The following LRRTM4 variants were observed in gnomAD, a reference collection of about 807,000 sequenced individuals.
The protein encoded by LRRTM4 is leucine rich repeat transmembrane neuronal 4.
A neutral mutation model predicts 47.6 loss-of-function variants in LRRTM4; 25 were observed. The ratio of observed to expected loss-of-function variants is 0.53; its 90% CI spans 0.38 to 0.73. The LOEUF (loss-of-function observed/expected upper bound fraction) is 0.73, where lower values mean the gene tolerates loss of function less well. Ranked by LOEUF, LRRTM4 falls within the 30% of genes least tolerant of loss-of-function variation. The pLI, the probability that LRRTM4 is intolerant of heterozygous loss-of-function variation, is 0.00. For missense variants in LRRTM4, 638 were observed against 713.4 expected, an observed-to-expected ratio of 0.89 and a Z score of 1.20; for synonymous variants, 311 against 269.5, an observed-to-expected ratio of 1.15 and a Z score of -1.51.
chr2:77,494,479 A>G (rs894675828), intron 3 of LRRTM4, among the ~76,000 whole-genome samples: 1 of 151,948 alleles, frequency 6.6e-6, no homozygotes, highest in African/African-American at 2.4e-5. Context: ...TCTCCTAGGC[A>G]TTCCAGAGGC....
chr2:76,975,772 C>G (rs1447844725), intron 3 of LRRTM4, among the ~76,000 whole-genome samples: 1 of 151,764 alleles, frequency 6.6e-6, no homozygotes, highest in African/African-American at 2.4e-5. Context: ...GACACCACAT[C>G]TGGCCACATT....
intron 3 of LRRTM4, among the ~76,000 whole-genome samples, chr2:77,206,077 A>G (rs1366707865): frequency 4.0e-5 from 6 of 151,898 alleles, no homozygotes; most frequent in Admixed American, 3.9e-4. Context: ...CCTGGGCTCA[A>G]GCGACCCCAA....
rs776265725 is a variant in LRRTM4 at position 77,483,118 on chromosome 2, CAAAAAAAAAAAAAAAAAAA to C, written c.1551+35181_1551+35199del. Reference sequence around the variant, plus strand: ...CCTAGGAGGCAGAGCAAGACTGTCTCAAAAAAAAAAAAAAAAAAAAAAAAAAAAAAAAAAAATTCCACCG... The same window carrying C: ...CCTAGGAGGCAGAGCAAGACTGTCTCAAAAAAAAAAAAAAAAATTCCACCG... On this transcript the variant is annotated intron_variant, in intron 3 of 3. Transcript: ENST00000409884. 8.5e-3 allele frequency among the ~76,000 whole-genome samples: 515 copies of C among 60,600 alleles called. 6 individuals carry two copies. Among genetic ancestry groups the C allele is most frequent in the African/African-American group, 0.031 (466 of 15,206 alleles). The allele number at this position is 60,600 out of a possible 152,430, so 39.8% of individuals were successfully genotyped here.
intron 3 of LRRTM4, among the ~76,000 whole-genome samples, chr2:77,199,772 G>T (rs1006866688): frequency 5.3e-5 from 8 of 152,086 alleles, no homozygotes; most frequent in East Asian, 1.9e-4. Context: ...TAAAAAGAAG[G>T]CTTCTTCATT....
intron 3 of LRRTM4, among the ~76,000 whole-genome samples, chr2:76,755,486 C>T (rs1278052191): frequency 3.3e-5 from 5 of 151,940 alleles, no homozygotes; most frequent in African/African-American, 1.2e-4. Context: ...TTTTCATCAC[C>T]AAACCAAAAC....
intron 3 of LRRTM4, among the ~76,000 whole-genome samples, chr2:77,019,470 T>C (rs76370247): frequency 7.2e-5 from 11 of 152,170 alleles, no homozygotes; most frequent in Non-Finnish European, 1.6e-4. Context: ...AAACCTTTTC[T>C]AAGCCTCAGT....
chr2:77,270,674 A>G lies in LRRTM4; in HGVS notation c.1551+247644T>C, dbSNP rs529063105. On this transcript the variant is annotated intron_variant, in intron 3 of 3. Coordinates refer to ENST00000409884, the MANE Select transcript of LRRTM4 (RefSeq NM_001134745.3). Reference sequence around the variant, plus strand: ...TCTTATGATAGTGACGAGGCAGCCAAATGACTAGGCAGATAGGGGCATGTC... The same window carrying G: ...TCTTATGATAGTGACGAGGCAGCCAGATGACTAGGCAGATAGGGGCATGTC... Among the ~76,000 whole-genome samples, 17 of 152,252 alleles carry G rather than the reference A, an allele frequency of 1.1e-4. 1 individual carries two copies. In the South Asian group the frequency reaches 2.5e-3, roughly 22 times the overall value.
chr2:76,771,319 G>A (rs1673693792), intron 3 of LRRTM4, among the ~76,000 whole-genome samples: 1 of 152,172 alleles, frequency 6.6e-6, no homozygotes, highest in Admixed American at 6.5e-5. Context: ...GAGGGTTTCG[G>A]TGAGATTTAA....
intron 3 of LRRTM4, among the ~76,000 whole-genome samples, chr2:76,845,828 G>T (rs1671821844): frequency 6.6e-6 from 1 of 152,048 alleles, no homozygotes; most frequent in South Asian, 2.1e-4. Flanking sequence ...CACAACTCTG[G>T]TTCAATGCCC....
intron 3 of LRRTM4, among the ~76,000 whole-genome samples, chr2:77,344,469 A>C (rs1441724974): frequency 1.3e-5 from 2 of 151,920 alleles, no homozygotes; most frequent in Non-Finnish European, 2.9e-5. Flanking sequence ...AATGAAACTG[A>C]AGATATGTAA....
intron 3 of LRRTM4, among the ~76,000 whole-genome samples, chr2:76,861,293 A>G (rs1672304598): frequency 6.6e-6 from 1 of 152,184 alleles, no homozygotes; most frequent in Non-Finnish European, 1.5e-5. Flanking sequence ...AAACACATGA[A>G]ATATCAGGCT....
chr2:77,400,357 C>T (rs1673901938), intron 3 of LRRTM4, among the ~76,000 whole-genome samples: 1 of 151,828 alleles, frequency 6.6e-6, no homozygotes, highest in African/African-American at 2.4e-5. Context: ...GGTTCCAACA[C>T]TCAGAACTGT....
At chr2:77,350,360 A>AAAAAAAAG (rs1671722172) in intron 3 of LRRTM4, among the ~76,000 whole-genome samples, 1 of 143,714 alleles carries the variant, frequency 7.0e-6, no homozygotes, top group African/African-American at 2.8e-5. Context: ...AAAAAAAAAA[A>AAAAAAAAG]AAAGAAATTG....
intron 3 of LRRTM4, among the ~76,000 whole-genome samples, chr2:76,804,617 G>A (rs1675869559): frequency 1.4e-5 from 2 of 147,060 alleles, no homozygotes; most frequent in Non-Finnish European, 1.5e-5. Flanking sequence ...CTATACATAT[G>A]CATAGTATCT....
intron 3 of LRRTM4, among the ~76,000 whole-genome samples, chr2:77,044,166 A>C (rs1434092240): frequency 1.3e-5 from 2 of 151,818 alleles, no homozygotes; most frequent in African/African-American, 4.8e-5. Flanking sequence ...TACATAGTGC[A>C]CCCAATGCAG....
chr2:76,861,849 G>A (rs987795543), intron 3 of LRRTM4, among the ~76,000 whole-genome samples: 4 of 152,230 alleles, frequency 2.6e-5, no homozygotes, highest in African/African-American at 9.6e-5. Flanking sequence ...AACGTAGAAT[G>A]ACACTTATCT....
chr2:76,974,149 TAC>T (rs1423040090), intron 3 of LRRTM4, among the ~76,000 whole-genome samples: 1 of 130,084 alleles, frequency 7.7e-6, no homozygotes, highest in African/African-American at 3.3e-5. Context: ...TACATATATA[TAC>T]ATACATATAT....
At chr2:76,948,380 T>C (rs1675392284) in intron 3 of LRRTM4, among the ~76,000 whole-genome samples, 1 of 151,844 alleles carries the variant, frequency 6.6e-6, no homozygotes, top group Non-Finnish European at 1.5e-5. Flanking sequence ...TGTCTTGCCT[T>C]TTAGTGTTTT....
At chr2:77,035,323 C>T (rs1436789205) in intron 3 of LRRTM4, among the ~76,000 whole-genome samples, 2 of 151,384 alleles carry the variant, frequency 1.3e-5, no homozygotes, top group Non-Finnish European at 3.0e-5. Context: ...TACTCAAGTT[C>T]CCCCGATGAT....
Sources: allele counts gnomAD v4.1 joint callset (sites outside exome capture counted in the v4.1 genomes callset), GRCh38; gene constraint gnomAD v4.1.1; transcripts MANE v1.5; gene names NCBI Gene and HGNC (gene_info 2026-07-23, HGNC 2026-07-21).